FEZF2: variants seen among roughly 807,000 people sequenced by gnomAD.
FEZF2 encodes the protein fez family zinc finger protein 2.
A neutral mutation model predicts 32.8 loss-of-function variants in FEZF2; 2 were observed. The ratio of observed to expected loss-of-function variants is 0.06; its 90% CI spans 0.02 to 0.19. The LOEUF is 0.19. Among genes scored for constraint, FEZF2 ranks in the 10% least tolerant of loss-of-function variants. The probability of loss-of-function intolerance (pLI) is 1.00; values close to 1 mark genes in which losing one functional copy is unlikely to be tolerated. For synonymous variants in FEZF2, 322 were observed against 284.8 expected (o/e 1.13, Z -1.32); for missense variants, 516 against 625.4 (o/e 0.83, Z 1.87).
rs1704298669 is a variant in FEZF2 at position 62,373,106 on chromosome 3, A to T, written c.-59+173T>A. 3.7e-6 allele frequency: 1 copy of T among 268,990 alleles called. No individual in the cohort carries two copies. The highest frequency in any genetic ancestry group is 5.6e-5 in the East Asian group (1 of 17,782). The allele number at this position is 268,990 out of a possible 1,614,324, so 16.7% of individuals were successfully genotyped here. ...ACCAGCCCCTGCCCTGGGACTTTGAAAGGGGGAAGAAGGGGGAGGGTTTAC... is the reference window on the plus strand; with the variant it reads ...ACCAGCCCCTGCCCTGGGACTTTGATAGGGGGAAGAAGGGGGAGGGTTTAC... On this transcript the variant is annotated intron_variant, in intron 1 of 4. Transcript: ENST00000283268. The surrounding 1 kb of genome is among the most constrained non-coding windows in gnomAD (Gnocchi z 5.5).
At position 62,372,892 on chromosome 3, in the gene FEZF2, A is replaced by T. The variant is rs1470800280; in HGVS notation, c.-24T>A. 2.2e-6 allele frequency: 3 copies of T among 1,376,476 alleles called. No homozygotes were observed. The African/African-American group carries it at 4.5e-5, about 21-fold the overall frequency. 85.3% of individuals were successfully genotyped at this position (1,376,476 alleles called of 1,614,324 possible). On this transcript the variant is annotated 5_prime_UTR_variant, in exon 2 of 5. Transcript: ENST00000283268. The surrounding 1 kb of genome is among the most constrained non-coding windows in gnomAD (Gnocchi z 9.6). ...ATGGCGCGCGGAGCTGAGCCGAGCCAGGCTGGGCCAGGGCGCAGCCTCTCT... is the reference window on the plus strand; with the variant it reads ...ATGGCGCGCGGAGCTGAGCCGAGCCTGGCTGGGCCAGGGCGCAGCCTCTCT...
chr3:62,371,519 C>T lies in FEZF2; in HGVS notation c.987+14G>A. The T allele has an allele frequency of 1.2e-6, 2 of 1,606,500 alleles. No homozygotes were observed. Among genetic ancestry groups the T allele is most frequent in the African/African-American group, 1.3e-5 (1 of 74,908 alleles). On this transcript the variant is annotated intron_variant, in intron 3 of 4. Coordinates refer to ENST00000283268, the MANE Select transcript of FEZF2 (RefSeq NM_018008.4). ...GGTTGCGCGCGGGCTAGGCCCGACCCGGGGGCCACGTACCTGGGTGTGGAT... is the reference window on the plus strand; with the variant it reads ...GGTTGCGCGCGGGCTAGGCCCGACCTGGGGGCCACGTACCTGGGTGTGGAT...
chr3:62,371,126 C>G (rs534671368), intron 4 of FEZF2, 91 bp downstream of exon 4: 3 of 1,592,590 alleles, frequency 1.9e-6, no homozygotes, highest in Non-Finnish European at 1.7e-6. Context: ...TTCGCCTTCT[C>G]TCTCCAGATC....
chr3:62,370,476 G>A lies in FEZF2; in HGVS notation c.1121-134C>T. Reference sequence around the variant, plus strand: ...TTGGCTAGGCGGGCGCGACCTCTTCGAGTGAAGAAGTTGTCAAACTTCGTA... The same window carrying A: ...TTGGCTAGGCGGGCGCGACCTCTTCAAGTGAAGAAGTTGTCAAACTTCGTA... On this transcript the variant is annotated intron_variant, in intron 4 of 4. Transcript: ENST00000283268. The surrounding 1 kb of genome is among the most constrained non-coding windows in gnomAD (Gnocchi z 4.2). The A allele has an allele frequency of 9.3e-6, 8 of 863,704 alleles. No individual in the cohort carries two copies. The highest frequency in any genetic ancestry group is 1.3e-5 in the Non-Finnish European group (7 of 552,868). The allele number at this position is 863,704 out of a possible 1,614,324, so 53.5% of individuals were successfully genotyped here.
chr3:62,370,216 G>C lies in FEZF2; in HGVS notation c.1247C>G (p.Pro416Arg). ...FHMHTHNDKKPFTCATCGKGF... is the reference protein window; with the variant it reads ...FHMHTHNDKKRFTCATCGKGF... ...TTTGCCGCAAGTGGCGCACGTGAAA[G>C]GCTTCTTGTCGTTGTGGGTGTGCAT... Residue 416 changes from proline (P) to arginine (R), a missense_variant, in exon 5 of 5, where the codon CCT becomes CGT. By Grantham distance (103) the Pro-to-Arg change is moderately radical. Coordinates refer to ENST00000283268, the MANE Select transcript of FEZF2 (RefSeq NM_018008.4). This position sits in a 1 kb window ranked among gnomAD's most constrained non-coding sequence, Gnocchi z 4.2. 6.2e-7 allele frequency: 1 copy of C among 1,614,206 alleles called. No individual in the cohort carries two copies. Among genetic ancestry groups the C allele is most frequent in the East Asian group, 2.2e-5 (1 of 44,872 alleles).
chr3:62,371,506 G>A lies in FEZF2; in HGVS notation c.987+27C>T, dbSNP rs750562512. On this transcript the variant is annotated intron_variant, in intron 3 of 4. Transcript: ENST00000283268. The stretch of plus-strand genomic sequence containing the variant: ...CTAAGATTCTGGGGGTTGCGCGCGG[G>A]CTAGGCCCGACCCGGGGGCCACGTA... 1.1e-5 allele frequency: 18 copies of A among 1,602,754 alleles called. No homozygotes were observed. The South Asian group carries it at 2.0e-4, about 18-fold the overall frequency.
chr3:62,372,343 C>T lies in FEZF2; in HGVS notation c.526G>A (p.Asp176Asn). 1 of 1,610,590 alleles carries T rather than the reference C, an allele frequency of 6.2e-7. No homozygotes were observed. The highest frequency in any genetic ancestry group is 1.7e-5 in the Admixed American group (1 of 59,932). The change falls in exon 2 of 5, where the codon GAC (aspartate) becomes AAC (asparagine). Residue 176 changes from aspartate to asparagine, a missense_variant. By Grantham distance (23) the Asp-to-Asn change is conservative. This residue lies in a region of FEZF2 where 408 missense variants were observed against 382.2 expected (regional missense o/e 1.07). Coordinates refer to ENST00000283268, the MANE Select transcript of FEZF2 (RefSeq NM_018008.4). The surrounding 1 kb of genome is among the most constrained non-coding windows in gnomAD (Gnocchi z 9.6). ...TCAGACGGCGGGTACGCGGTCGAGT[C>T]CAGGTAGTTGAAGTAGTAGAGCGAG... Reference protein sequence around the residue: ...SGSLYYFNYLDSTAYPPSELL... With the variant: ...SGSLYYFNYLNSTAYPPSELL...
At position 62,370,360 on chromosome 3, in the gene FEZF2, C is replaced by CA; in HGVS notation, c.1121-19dup. Reference sequence around the variant, plus strand: ...GTAGTTCCCTACAACAGATCAAGAACAAAAAACGTGGGGGTATGGAGTAGA... The same window carrying CA: ...GTAGTTCCCTACAACAGATCAAGAACAAAAAAACGTGGGGGTATGGAGTAGA... On this transcript the variant is annotated intron_variant, in intron 4 of 4. Coordinates refer to ENST00000283268, the MANE Select transcript of FEZF2 (RefSeq NM_018008.4). The surrounding 1 kb of genome is among the most constrained non-coding windows in gnomAD (Gnocchi z 4.2). 1 of 1,609,516 alleles carries CA rather than the reference C, an allele frequency of 6.2e-7. No individual in the cohort carries two copies. The highest frequency in any genetic ancestry group is 1.3e-5 in the African/African-American group (1 of 74,726).
chr3:62,370,379 G>A lies in FEZF2; in HGVS notation c.1121-37C>T. 4 of 1,604,616 alleles carry A rather than the reference G, an allele frequency of 2.5e-6. No individual in the cohort carries two copies. The highest frequency in any genetic ancestry group is 3.4e-6 in the Non-Finnish European group (4 of 1,173,216). The stretch of plus-strand genomic sequence containing the variant: ...CAAGAACAAAAAACGTGGGGGTATG[G>A]AGTAGAATGGTGGGGAGGAAGAGGC... On this transcript the variant is annotated intron_variant, in intron 4 of 4. Coordinates refer to ENST00000283268, the MANE Select transcript of FEZF2 (RefSeq NM_018008.4). This position sits in a 1 kb window ranked among gnomAD's most constrained non-coding sequence, Gnocchi z 4.2.
chr3:62,371,480 A>C, intron 3 of FEZF2, 53 bp downstream of exon 3: 2 of 1,584,806 alleles, frequency 1.3e-6, no homozygotes, highest in South Asian at 1.2e-5. Context: ...CGGTGTTATC[A>C]CTAAGATTCT....
Position 62,372,539 on chromosome 3 carries a change from ACCGCCGCCGCCG to A in FEZF2, c.318_329del (p.Gly114_Gly117del). 4 of 1,303,266 alleles carry A rather than the reference ACCGCCGCCGCCG, an allele frequency of 3.1e-6. 1 individual carries two copies. In the South Asian group the frequency reaches 1.1e-4, roughly 37 times the overall value. The allele number at this position is 1,303,266 out of a possible 1,614,324, so 80.7% of individuals were successfully genotyped here. A position where few individuals can be genotyped will look rare whatever the true frequency, so the allele number is the denominator to read the frequency against. Reference sequence around the variant, plus strand: ...GGGCCCCCCCGCCGCCGCCGCCGCCACCGCCGCCGCCGCCTCCGCCGCCGCCCGCCCGGAGGC... The same window carrying A: ...GGGCCCCCCCGCCGCCGCCGCCGCCACCTCCGCCGCCGCCCGCCCGGAGGC... On this transcript the variant is annotated inframe_deletion, in exon 2 of 5. Transcript: ENST00000283268. The surrounding 1 kb of genome is among the most constrained non-coding windows in gnomAD (Gnocchi z 9.6).
rs866417333 is a variant in FEZF2 at position 62,371,631 on chromosome 3, G to A, written c.889C>T (p.Pro297Ser). 1 of 1,614,092 alleles carries A rather than the reference G, an allele frequency of 6.2e-7. No homozygotes were observed. Among genetic ancestry groups the A allele is most frequent in the Non-Finnish European group, 8.5e-7 (1 of 1,179,974 alleles). The change falls in exon 3 of 5, where the codon CCG (proline) becomes TCG (serine). Residue 297 changes from proline (P) to serine (S), a missense_variant. By Grantham distance (74) the Pro-to-Ser change is moderately conservative (BLOSUM62 -1). Coordinates refer to ENST00000283268, the MANE Select transcript of FEZF2 (RefSeq NM_018008.4). ...NAHYNLTRHM[P>S]VHTGARPFVC... ...AACGGTCTGGCTCCGGTGTGGACCG[G>A]CATGTGGCGGGTGAGATTATAGTGA...
intron 2 of FEZF2, 39 bp downstream of exon 2, chr3:62,371,978 C>T: frequency 6.3e-7 from 1 of 1,585,346 alleles, no homozygotes; most frequent in Non-Finnish European, 8.5e-7. Flanking sequence ...CGCCGCCGAT[C>T]GCCCCTCCCG....
rs564792689 is a variant in FEZF2, at chr3:62,370,934, T to C, written c.1120+283A>G. Among the ~76,000 whole-genome samples, 1 of 152,288 alleles carries C rather than the reference T, an allele frequency of 6.6e-6. No individual in the cohort carries two copies. The highest frequency in any genetic ancestry group is 1.9e-4 in the East Asian group (1 of 5,162). ...AAAGGAACCTTTTTCTATAGGGCAA[T>C]ACCCTCTCCTTTTCCTACATCCTTT... On this transcript the variant is annotated intron_variant, in intron 4 of 4. Transcript: ENST00000283268. The surrounding 1 kb of genome is among the most constrained non-coding windows in gnomAD (Gnocchi z 4.2).
At chr3:62,371,107 C>T (rs1576275185) in intron 4 of FEZF2, 110 bp downstream of exon 4, 1 of 1,509,314 alleles carries the variant, frequency 6.6e-7, no homozygotes, top group East Asian at 2.3e-5. Flanking sequence ...TGCGCCCGCG[C>T]CTGCAGATTT....
At chr3:62,371,087 A>G (rs940526383) in intron 4 of FEZF2, 130 bp downstream of exon 4, 16 of 1,390,128 alleles carry the variant, frequency 1.2e-5, no homozygotes, top group Non-Finnish European at 1.6e-5. Flanking sequence ...ACCCGATTCT[A>G]AAGAAATGCT....
At position 62,371,282 on chromosome 3, in the gene FEZF2, A is replaced by G; in HGVS notation, c.1055T>C (p.Ile352Thr). ...GGGCTTGTAGCCCGCGTGGATGCGG[A>G]TATGCGTGTTGAGCGTGGAGCTGCG... is the stretch of plus-strand genomic sequence containing the variant. The part of the protein sequence containing the change: ...FNRSSTLNTH[I>T]RIHAGYKPFV... The change falls in exon 4 of 5, where the codon ATC becomes ACC. Residue 352 changes from isoleucine to threonine, a missense_variant. This residue lies in a region of FEZF2 where 79 missense variants were observed against 219.4 expected (regional missense o/e 0.36). Coordinates refer to ENST00000283268, the MANE Select transcript of FEZF2 (RefSeq NM_018008.4). 1 of 1,614,236 alleles carries G rather than the reference A, an allele frequency of 6.2e-7. No individual in the cohort carries two copies. The highest frequency in any genetic ancestry group is 8.5e-7 in the Non-Finnish European group (1 of 1,180,046).
chr3:62,371,804 C>T, intron 2 of FEZF2, 137 bp from the exon 3 acceptor site: 7 of 1,421,198 alleles, frequency 4.9e-6, no homozygotes, highest in Non-Finnish European at 6.6e-6. Context: ...AAAGTGCTGC[C>T]CAAACTCCTG....
intron 3 of FEZF2, 75 bp from the exon 4 acceptor site, chr3:62,371,424 C>A: frequency 6.3e-7 from 1 of 1,584,560 alleles, no homozygotes; most frequent in African/African-American, 1.3e-5. Flanking sequence ...CCCCCACCCC[C>A]ACTCAACCCT....
Sources: gnomAD v4.1 joint callset for allele counts (sites outside exome capture counted in the v4.1 genomes callset) on GRCh38, gnomAD v4.1.1 for gene constraint, gnomAD v4.1.1 regional missense constraint, Gnocchi (gnomAD v3.1) non-coding constraint, MANE v1.5 for transcripts, NCBI Gene and HGNC (gene_info 2026-07-23, HGNC 2026-07-21) for gene names.